The following ABCC4 variants were observed in gnomAD, a reference collection of about 807,000 sequenced individuals.
ABCC4 encodes the protein ATP binding cassette subfamily C member 4 (PEL blood group).
In ABCC4, 102 loss-of-function variants were observed where a neutral mutation model predicts 168.5. The observed-to-expected ratio is 0.61, with a 90% CI of 0.52 to 0.71. The LOEUF (loss-of-function observed/expected upper bound fraction) is 0.71, where lower values mean the gene tolerates loss of function less well. ABCC4 is among the 30% of genes least tolerant of loss of function. The pLI is 0.00. For missense variants in ABCC4, 1,402 were observed against 1,605.8 expected (o/e 0.87, Z 2.17); for synonymous variants, 617 against 590.7 (o/e 1.04, Z -0.65).
intron 19 of ABCC4, among the ~76,000 whole-genome samples, chr13:95,139,741 G>A (rs2036257007): frequency 6.6e-6 from 1 of 152,110 alleles, no homozygotes; most frequent in South Asian, 2.1e-4. Flanking sequence ...CATATTCAAT[G>A]GTTCTTTCCC....
chr13:95,074,552 T>G (rs1440029757), intron 22 of ABCC4, among the ~76,000 whole-genome samples: 1 of 152,134 alleles, frequency 6.6e-6, no homozygotes, highest in Non-Finnish European at 1.5e-5. Context: ...AACCCAGAAA[T>G]ATGATCCTAA....
intron 30 of ABCC4, among the ~76,000 whole-genome samples, chr13:95,028,387 T>C (rs928331036): frequency 5.3e-5 from 8 of 151,938 alleles, no homozygotes; most frequent in African/African-American, 1.7e-4. Flanking sequence ...AAATTCCAAA[T>C]GGATAGAAAG....
At chr13:95,180,901 C>T (rs1046945589) in intron 11 of ABCC4, among the ~76,000 whole-genome samples, 2 of 152,136 alleles carry the variant, frequency 1.3e-5, no homozygotes, top group East Asian at 1.9e-4. Flanking sequence ...AGTACTACAA[C>T]GACCTTGAGT....
intron 20 of ABCC4, among the ~76,000 whole-genome samples, chr13:95,090,807 TAGG>T (rs2034407373): frequency 6.6e-6 from 1 of 152,016 alleles, no homozygotes; most frequent in South Asian, 2.1e-4. Flanking sequence ...AAAAAGAATT[TAGG>T]AGGTTAGTTA....
intron 1 of ABCC4, among the ~76,000 whole-genome samples, chr13:95,251,085 G>A (rs750791616): frequency 6.6e-6 from 1 of 152,134 alleles, no homozygotes; most frequent in African/African-American, 2.4e-5. Flanking sequence ...ACCAAGCTTG[G>A]CCAATAGTGG....
At chr13:95,234,408 T>C (rs945610973) in intron 4 of ABCC4, among the ~76,000 whole-genome samples, 3 of 152,232 alleles carry the variant, frequency 2.0e-5, no homozygotes, top group Non-Finnish European at 2.9e-5. Flanking sequence ...CTGATGCAAA[T>C]AGCAAGCTTC....
chr13:95,098,696 G>T (rs1296466584), intron 20 of ABCC4, among the ~76,000 whole-genome samples: 1 of 152,002 alleles, frequency 6.6e-6, no homozygotes, highest in East Asian at 1.9e-4. Flanking sequence ...AAATCAACAA[G>T]ATTTTTAAAA....
chr13:95,232,128 A>ATGGTGG (rs56881654), intron 4 of ABCC4, among the ~76,000 whole-genome samples: 21 of 135,460 alleles, frequency 1.6e-4, no homozygotes, highest in Admixed American at 2.9e-4. Context: ...GCTGATGATG[A>ATGGTGG]TGGTGGTGGT....
At chr13:95,060,116 T>C (rs990827549) in intron 26 of ABCC4, among the ~76,000 whole-genome samples, 5 of 152,224 alleles carry the variant, frequency 3.3e-5, no homozygotes, top group Non-Finnish European at 4.4e-5. Flanking sequence ...ATGTTTCTTT[T>C]TTTCAACCAA....
At chr13:95,220,038 T>A (rs2039270177) in intron 4 of ABCC4, among the ~76,000 whole-genome samples, 1 of 127,642 alleles carries the variant, frequency 7.8e-6, no homozygotes, top group African/African-American at 2.9e-5. Flanking sequence ...TTTTTTTTTT[T>A]TAGTTTTAGT....
At chr13:95,284,902 A>T (rs1173990845) in intron 1 of ABCC4, among the ~76,000 whole-genome samples, 2 of 149,954 alleles carry the variant, frequency 1.3e-5, no homozygotes, top group African/African-American at 5.0e-5. Flanking sequence ...GGTACTTAGA[A>T]TAGCCCCCCT....
chr13:95,053,267 G>T, intron 26 of ABCC4, 83 bp from the exon 27 acceptor site: 1 of 1,051,624 alleles, frequency 9.5e-7, no homozygotes, highest in Non-Finnish European at 1.5e-6. Context: ...ATAGAATTAA[G>T]ATACCAAAAA....
At chr13:95,021,764 ACTT>A in intron 30 of ABCC4, 82 bp from the exon 31 acceptor site, 1 of 927,982 alleles carries the variant, frequency 1.1e-6, no homozygotes, top group Non-Finnish European at 1.7e-6. Context: ...TTCTGTGTCT[ACTT>A]CTTCATGTGA....
At chr13:95,060,228 G>A (rs772902374) in intron 26 of ABCC4, among the ~76,000 whole-genome samples, 1 of 152,198 alleles carries the variant, frequency 6.6e-6, no homozygotes, top group Non-Finnish European at 1.5e-5. Context: ...GCTTAGCAGT[G>A]TTTTGTAAGC....
chr13:95,284,066 G>T (rs1198084655), intron 1 of ABCC4, among the ~76,000 whole-genome samples: 5 of 151,968 alleles, frequency 3.3e-5, no homozygotes, highest in Non-Finnish European at 7.4e-5. Context: ...GCCGAGCGTG[G>T]TGGCATGTGT....
At chr13:95,211,996 G>T (rs540051360) in intron 4 of ABCC4, among the ~76,000 whole-genome samples, 1 of 152,098 alleles carries the variant, frequency 6.6e-6, no homozygotes, top group Admixed American at 6.6e-5. Context: ...GGCCAACATG[G>T]TGAAACCCTG....
intron 19 of ABCC4, among the ~76,000 whole-genome samples, chr13:95,132,521 C>T (rs542555565): frequency 3.3e-5 from 5 of 152,164 alleles, no homozygotes; most frequent in African/African-American, 1.2e-4. Context: ...CTGGCCCTCC[C>T]ATTTAATTTT....
At chr13:95,155,406 T>A (rs1435389500) in intron 19 of ABCC4, among the ~76,000 whole-genome samples, 1 of 152,126 alleles carries the variant, frequency 6.6e-6, no homozygotes, top group Non-Finnish European at 1.5e-5. Context: ...CATAGGAGAA[T>A]ATGTCTATCT....
intron 1 of ABCC4, among the ~76,000 whole-genome samples, chr13:95,295,999 T>C (rs1265269137): frequency 4.8e-5 from 7 of 147,000 alleles, no homozygotes; most frequent in African/African-American, 1.8e-4. Flanking sequence ...CTAGGTGTGG[T>C]GGCGTGCACC....
Sources: allele counts gnomAD v4.1 joint callset (sites outside exome capture counted in the v4.1 genomes callset), GRCh38; gene constraint gnomAD v4.1.1; transcripts MANE v1.5; gene names NCBI Gene and HGNC (gene_info 2026-07-23, HGNC 2026-07-21).